The following PDE3A variants were observed in gnomAD, a reference collection of about 807,000 sequenced individuals.
PDE3A encodes the protein phosphodiesterase 3A.
In PDE3A, 43 loss-of-function variants were observed where a neutral mutation model predicts 98.3. The observed-to-expected ratio is 0.44, with a 90% CI of 0.34 to 0.56. The LOEUF (loss-of-function observed/expected upper bound fraction) is 0.56. Ranked by LOEUF, PDE3A falls within the 20% of genes least tolerant of loss-of-function variation. The pLI, the probability that PDE3A is intolerant of heterozygous loss-of-function variation, is 0.01. For synonymous variants in PDE3A, 663 were observed against 567.9 expected, an observed-to-expected ratio of 1.17 and a Z score of -2.38; for missense variants, 1,427 against 1,440.7, an observed-to-expected ratio of 0.99 and a Z score of 0.15.
intron 3 of PDE3A, 97 bp downstream of exon 3, chr12:20,613,797 A>G (rs1241717113): frequency 6.8e-6 from 6 of 878,326 alleles, no homozygotes; most frequent in African/African-American, 5.0e-5. Context: ...CTGCAGATTC[A>G]TATCAGTGAC....
chr12:20,640,090 G>C lies in PDE3A; in HGVS notation c.2251+133G>C. ...ACGCTCAATATGGAGACATCATATG[G>C]TGATTAGGAAATATCGCCTGTGTGT... On this transcript the variant is annotated intron_variant, in intron 10 of 15. Coordinates refer to ENST00000359062, the MANE Select transcript of PDE3A (RefSeq NM_000921.5). The C allele has an allele frequency of 1.3e-5, 7 of 533,980 alleles. No individual in the cohort carries two copies. The South Asian group carries it at 1.5e-4, about 12-fold the overall frequency. 33.1% of individuals were successfully genotyped at this position (533,980 alleles called of 1,614,324 possible). A position where few individuals can be genotyped will look rare whatever the true frequency, so the allele number is the denominator to read the frequency against.
intron 1 of PDE3A, among the ~76,000 whole-genome samples, chr12:20,430,308 G>A (rs561739972): frequency 6.6e-6 from 1 of 152,038 alleles, no homozygotes; most frequent in Admixed American, 6.6e-5. Flanking sequence ...AAGGCCAAAT[G>A]ATTTTTTTTT....
chr12:20,665,361 G>T (rs1945282953), intron 15 of PDE3A, among the ~76,000 whole-genome samples: 1 of 151,970 alleles, frequency 6.6e-6, no homozygotes, highest in African/African-American at 2.4e-5. Context: ...TGTTTAAATT[G>T]GGTTTATTAT....
chr12:20,599,339 C>A (rs1345929124), intron 2 of PDE3A, among the ~76,000 whole-genome samples: 1 of 152,088 alleles, frequency 6.6e-6, no homozygotes, highest in Non-Finnish European at 1.5e-5. Flanking sequence ...CTTTTCAAGT[C>A]AAATTTTATG....
chr12:20,569,678 GT>G (rs1167261203), intron 2 of PDE3A, among the ~76,000 whole-genome samples: 3 of 152,210 alleles, frequency 2.0e-5, no homozygotes, highest in African/African-American at 7.2e-5. Context: ...TTAACCTTCA[GT>G]TAAAATACTA....
At chr12:20,614,495 T>C (rs1227401637) in intron 3 of PDE3A, among the ~76,000 whole-genome samples, 1 of 152,186 alleles carries the variant, frequency 6.6e-6, no homozygotes, top group Non-Finnish European at 1.5e-5. Context: ...GTTGTGAGTC[T>C]CTTCTCTCAG....
chr12:20,602,786 G>A (rs1023758568), intron 2 of PDE3A, among the ~76,000 whole-genome samples: 1 of 152,158 alleles, frequency 6.6e-6, no homozygotes, highest in South Asian at 2.1e-4. Context: ...ATGGCCTTTA[G>A]CCAAGGTTCA....
intron 2 of PDE3A, among the ~76,000 whole-genome samples, chr12:20,558,745 A>G (rs933014709): frequency 6.6e-6 from 1 of 151,544 alleles, no homozygotes; most frequent in African/African-American, 2.4e-5. Flanking sequence ...TGTTTTGGAT[A>G]ATTGATCCCT....
At chr12:20,371,286 C>G (rs1943469795) in intron 1 of PDE3A, 1 of 903,428 alleles carries the variant, frequency 1.1e-6, no homozygotes, top group Non-Finnish European at 1.3e-6. Context: ...AAAAAGCATA[C>G]CGAAGGGTAT....
intron 15 of PDE3A, among the ~76,000 whole-genome samples, chr12:20,654,497 G>GTTT (rs1565464803): frequency 2.0e-5 from 3 of 150,010 alleles, no homozygotes; most frequent in Admixed American, 6.7e-5. Flanking sequence ...CTGGTTTTTT[G>GTTT]TTTGTTTTTT....
chr12:20,380,169 T>A (rs1253556845), intron 1 of PDE3A, among the ~76,000 whole-genome samples: 1 of 151,938 alleles, frequency 6.6e-6, no homozygotes, highest in Non-Finnish European at 1.5e-5. Context: ...AATAGCTGTA[T>A]TTTCTGAAAA....
Position 20,650,509 on chromosome 12 carries a change from G to A in PDE3A, c.2834G>A (p.Cys945Tyr). 1 of 1,610,274 alleles carries A rather than the reference G, an allele frequency of 6.2e-7. No individual in the cohort carries two copies. ...GATCGTCTACTGGTTTGTCAAATGT[G>A]TATAAAGTTGGCTGATATCAATGGT... ...ENDRLLVCQMCIKLADINGPA... is the reference protein window; with the variant it reads ...ENDRLLVCQMYIKLADINGPA... The change falls in exon 14 of 16, where the codon TGT becomes TAT. Residue 945 changes from cysteine to tyrosine, a missense_variant. This residue lies in a region of PDE3A where 273 missense variants were observed against 420.3 expected (regional missense o/e 0.65). Transcript: ENST00000359062.
intron 7 of PDE3A, 80 bp downstream of exon 7, chr12:20,633,858 A>G (rs1651709774): frequency 1.3e-6 from 1 of 761,372 alleles, no homozygotes; most frequent in African/African-American, 1.8e-5. Context: ...AGTGATCTAC[A>G]TTTCTGATAT....
At chr12:20,601,122 A>C (rs1037508179) in intron 2 of PDE3A, among the ~76,000 whole-genome samples, 2 of 152,174 alleles carry the variant, frequency 1.3e-5, no homozygotes, top group African/African-American at 4.8e-5. Context: ...AGACATACCA[A>C]AAGCTGAATC....
chr12:20,410,621 G>A (rs1160894613), intron 1 of PDE3A, among the ~76,000 whole-genome samples: 1 of 152,070 alleles, frequency 6.6e-6, no homozygotes, highest in African/African-American at 2.4e-5. Flanking sequence ...TTGTTTTGTT[G>A]TTGTTGTTGT....
At chr12:20,591,329 A>G (rs1471074668) in intron 2 of PDE3A, among the ~76,000 whole-genome samples, 1 of 152,252 alleles carries the variant, frequency 6.6e-6, no homozygotes, top group African/African-American at 2.4e-5. Flanking sequence ...TTTGAATGAC[A>G]TGAAATGACA....
chr12:20,462,006 G>T (rs1392891067), intron 1 of PDE3A, among the ~76,000 whole-genome samples: 1 of 152,178 alleles, frequency 6.6e-6, no homozygotes, highest in African/African-American at 2.4e-5. Context: ...CTTTCCTGCT[G>T]CATGTCTCAC....
chr12:20,561,206 C>G (rs535363914), intron 2 of PDE3A, among the ~76,000 whole-genome samples: 1 of 151,548 alleles, frequency 6.6e-6, no homozygotes, highest in Non-Finnish European at 1.5e-5. Context: ...TGCAGTGAGC[C>G]AAGATTGCGC....
intron 5 of PDE3A, among the ~76,000 whole-genome samples, chr12:20,623,186 C>G (rs1156344853): frequency 6.6e-6 from 1 of 151,782 alleles, no homozygotes; most frequent in Non-Finnish European, 1.5e-5. Flanking sequence ...GAAAGCAACA[C>G]AGATGAAGAA....
Sources: gnomAD v4.1 joint callset for allele counts (sites outside exome capture counted in the v4.1 genomes callset) on GRCh38, gnomAD v4.1.1 for gene constraint, gnomAD v4.1.1 regional missense constraint, MANE v1.5 for transcripts, NCBI Gene and HGNC (gene_info 2026-07-23, HGNC 2026-07-21) for gene names.